Variants in PCDHGA8 observed in about 807,000 individuals in gnomAD.
The protein encoded by PCDHGA8 is protocadherin gamma-A8.
A neutral mutation model predicts 59.2 loss-of-function variants in PCDHGA8; 45 were observed. The ratio of observed to expected loss-of-function variants is 0.76; its 90% CI spans 0.60 to 0.98. The LOEUF (loss-of-function observed/expected upper bound fraction) is 0.98. PCDHGA8 is among the 50% of genes least tolerant of loss of function. The pLI is 0.00. For synonymous variants in PCDHGA8, 531 were observed against 519.0 expected, an observed-to-expected ratio of 1.02 and a Z score of -0.32; for missense variants, 1,257 against 1,196.2, an observed-to-expected ratio of 1.05 and a Z score of -0.75.
At chr5:141,427,984 C>A (rs754620535) in intron 1 of PCDHGA8, 6 of 1,597,376 alleles carry the variant, frequency 3.8e-6, no homozygotes, top group Non-Finnish European at 4.3e-6. Flanking sequence ...GCGCTGGGGC[C>A]CGATGGCTCC....
At chr5:141,446,822 A>G (rs976227044) in intron 1 of PCDHGA8, among the ~76,000 whole-genome samples, 1 of 152,206 alleles carries the variant, frequency 6.6e-6, no homozygotes, top group African/African-American at 2.4e-5. Flanking sequence ...TCAGATGGGT[A>G]GATCCTTATA....
In PCDHGA8 at chr5:141,486,476, C is replaced by G. The variant is rs765887978; in HGVS notation, c.2425-8331C>G. The G allele has an allele frequency of 5.0e-6, 8 of 1,613,934 alleles. No homozygotes were observed. In the South Asian group the frequency reaches 7.7e-5, roughly 16 times the overall value. ...TGCTTCTGATGCTGGGAACCCTCCTCTCAGTACCCACAGAACTATTTTCCT... is the reference window on the plus strand; with the variant it reads ...TGCTTCTGATGCTGGGAACCCTCCTGTCAGTACCCACAGAACTATTTTCCT... On this transcript the variant is annotated intron_variant, in intron 1 of 3. Coordinates refer to ENST00000398604, the MANE Select transcript of PCDHGA8 (RefSeq NM_032088.2). The surrounding 1 kb of genome is among the most constrained non-coding windows in gnomAD (Gnocchi z 5.0).
At chr5:141,399,658 T>C (rs766038311) in intron 1 of PCDHGA8, 2 of 1,613,690 alleles carry the variant, frequency 1.2e-6, no homozygotes, top group South Asian at 2.2e-5. Flanking sequence ...TGGGGTGGTG[T>C]TCGCGCAGCG....
At chr5:141,484,801 A>G (rs1285617622) in intron 1 of PCDHGA8, among the ~76,000 whole-genome samples, 3 of 152,024 alleles carry the variant, frequency 2.0e-5, no homozygotes, top group African/African-American at 7.2e-5. Flanking sequence ...CAACCCGTGG[A>G]AAAACATGCC....
In PCDHGA8 at chr5:141,393,264, C is replaced by A. The variant is rs537186931; in HGVS notation, c.451C>A (p.Arg151Ser). The A allele has an allele frequency of 6.2e-7, 1 of 1,613,916 alleles. No individual in the cohort carries two copies. The change falls in exon 1 of 4, where the codon CGT (arginine) becomes AGT (serine). Residue 151 changes from arginine (R) to serine (S), a missense_variant. Physicochemically the swap from Arg to Ser is moderately radical, Grantham distance 110. Transcript: ENST00000398604. ...KINEIAVPGA[R>S]YPLPEAVDPD... is the part of the protein sequence containing the mutation. ...TAACGAAATCGCGGTTCCTGGAGCA[C>A]GTTATCCACTCCCAGAAGCTGTTGA...
At chr5:141,462,144 G>A (rs984269848) in intron 1 of PCDHGA8, among the ~76,000 whole-genome samples, 1 of 152,042 alleles carries the variant, frequency 6.6e-6, no homozygotes, top group South Asian at 2.1e-4. Context: ...ATTTTTAGTA[G>A]AGATGGGGTT....
In PCDHGA8 at chr5:141,461,830, C is replaced by CT. The variant is rs1030113508; in HGVS notation, c.2425-32967dup. On this transcript the variant is annotated intron_variant, in intron 1 of 3. Transcript: ENST00000398604. Reference sequence around the variant, plus strand: ...CACCACACCCAGCTAATTTTTTTTTCTTTTTTTTTTGAGACAGAGTTTTGC... The same window carrying CT: ...CACCACACCCAGCTAATTTTTTTTTCTTTTTTTTTTTGAGACAGAGTTTTGC... Among the ~76,000 whole-genome samples, 192 of 145,246 alleles carry CT rather than the reference C, an allele frequency of 1.3e-3. 1 individual carries two copies. In the Middle Eastern group the frequency reaches 0.022, roughly 16 times the overall value.
At chr5:141,440,579 C>G (rs1004258822) in intron 1 of PCDHGA8, 12 of 152,188 alleles carry the variant, frequency 7.9e-5, no homozygotes, top group African/African-American at 2.7e-4. Flanking sequence ...TGAGTTTACC[C>G]AGCTGGAACA....
intron 1 of PCDHGA8, chr5:141,410,555 C>G: frequency 1.2e-6 from 2 of 1,613,202 alleles, no homozygotes; most frequent in Non-Finnish European, 1.7e-6. Flanking sequence ...CAGTGTTTCT[C>G]CTGGAGCCTT....
At chr5:141,398,644 T>C (rs772408476) in intron 1 of PCDHGA8, 7 of 1,613,908 alleles carry the variant, frequency 4.3e-6, no homozygotes, top group Non-Finnish European at 5.9e-6. Context: ...GTATAAACTC[T>C]CTCTTAACCC....
At chr5:141,424,297 A>G (rs2096812591) in intron 1 of PCDHGA8, 1 of 152,466 alleles carries the variant, frequency 6.6e-6, no homozygotes, top group African/African-American at 2.4e-5. Flanking sequence ...TCTTCATCCT[A>G]TCAACACAGA....
Position 141,432,602 on chromosome 5 carries a change from G to A in PCDHGA8, c.2424+37365G>A. The A allele has an allele frequency of 6.2e-7, 1 of 1,613,966 alleles. No homozygotes were observed. Among genetic ancestry groups the A allele is most frequent in the Non-Finnish European group, 8.5e-7 (1 of 1,179,972 alleles). On this transcript the variant is annotated intron_variant, in intron 1 of 3. Transcript: ENST00000398604. This position sits in a 1 kb window ranked among gnomAD's most constrained non-coding sequence, Gnocchi z 6.0. ...CCGTCTGCTCAAGGCCAGCGAGCCG[G>A]GACTCTTCTCGGTGGGTCTGCACAC...
Position 141,395,053 on chromosome 5 carries a change from A to G in PCDHGA8, c.2240A>G (p.Gln747Arg), listed in dbSNP as rs1210765378. ...ASHFVGVEEVQAFLQTYSQEV... is the reference protein window; with the variant it reads ...ASHFVGVEEVRAFLQTYSQEV... ...CATTTTGTGGGTGTTGAGGAGGTAC[A>G]GGCTTTCCTGCAGACCTATTCCCAG... The change falls in exon 1 of 4, where the codon CAG becomes CGG. Residue 747 changes from glutamine to arginine, a missense_variant. Coordinates refer to ENST00000398604, the MANE Select transcript of PCDHGA8 (RefSeq NM_032088.2). 6.2e-7 allele frequency: 1 copy of G among 1,614,062 alleles called. No homozygotes were observed. The highest frequency in any genetic ancestry group is 1.3e-5 in the African/African-American group (1 of 74,930).
intron 2 of PCDHGA8, among the ~76,000 whole-genome samples, chr5:141,495,834 C>T (rs1366861675): frequency 6.6e-6 from 1 of 152,198 alleles, no homozygotes; most frequent in African/African-American, 2.4e-5. Context: ...CTATCCCCAG[C>T]CTCTATGTTT....
At chr5:141,480,240 C>CA (rs11374694) in intron 1 of PCDHGA8, among the ~76,000 whole-genome samples, 21,591 of 113,808 alleles carry the variant, frequency 0.19, 1,578 homozygotes, top group Admixed American at 0.21. Context: ...CCTGTCTCTA[C>CA]AAAAAAAAAA....
At chr5:141,447,130 T>A (rs2098527397) in intron 1 of PCDHGA8, among the ~76,000 whole-genome samples, 1 of 152,146 alleles carries the variant, frequency 6.6e-6, no homozygotes, top group Admixed American at 6.6e-5. Context: ...TTTTTTTGTT[T>A]GTTTGTTTTT....
intron 1 of PCDHGA8, among the ~76,000 whole-genome samples, chr5:141,445,885 G>A (rs1171777990): frequency 1.3e-5 from 2 of 152,148 alleles, no homozygotes; most frequent in African/African-American, 4.8e-5. Flanking sequence ...CTTGTACTTA[G>A]GAGCTATTAA....
At chr5:141,440,443 T>A (rs979101512) in intron 1 of PCDHGA8, 2 of 152,152 alleles carry the variant, frequency 1.3e-5, no homozygotes, top group Admixed American at 1.3e-4. Flanking sequence ...CAAGGCGCCA[T>A]CTCAAAAAAA....
At chr5:141,484,454 G>T (rs932663778) in intron 1 of PCDHGA8, among the ~76,000 whole-genome samples, 2 of 152,212 alleles carry the variant, frequency 1.3e-5, no homozygotes, top group Non-Finnish European at 2.9e-5. Context: ...AATTGGCTAC[G>T]TTAATGTGTA....
Sources: allele counts gnomAD v4.1 joint callset (sites outside exome capture counted in the v4.1 genomes callset), GRCh38; gene constraint gnomAD v4.1.1; non-coding constraint Gnocchi (gnomAD v3.1); transcripts MANE v1.5; gene names NCBI Gene and HGNC (gene_info 2026-07-23, HGNC 2026-07-21).